The following SLC8A1 variants were observed in gnomAD, a reference collection of about 807,000 sequenced individuals.
SLC8A1 encodes sodium/calcium exchanger 1.
SLC8A1 carries 18 observed loss-of-function variants against 68.3 expected under a neutral mutation model. The ratio of observed to expected loss-of-function variants is 0.26; its 90% confidence interval spans 0.18 to 0.39. The LOEUF (loss-of-function observed/expected upper bound fraction) is 0.39. Ranked by LOEUF, SLC8A1 falls within the 10% of genes least tolerant of loss-of-function variation. The pLI, the probability that SLC8A1 is intolerant of heterozygous loss-of-function variation, is 1.00. For synonymous variants in SLC8A1, 475 were observed against 415.5 expected (o/e 1.14, Z -1.74); for missense variants, 985 against 1,156.7 (o/e 0.85, Z 2.15).
chr2:40,447,983 T>C (rs1395399164), intron 1 of SLC8A1, among the ~76,000 whole-genome samples: 1 of 152,226 alleles, frequency 6.6e-6, no homozygotes, highest in Non-Finnish European at 1.5e-5. Flanking sequence ...TCTACACTCT[T>C]GGCTGGGCAG....
intron 2 of SLC8A1, among the ~76,000 whole-genome samples, chr2:40,196,732 C>T (rs576990647): frequency 1.3e-5 from 2 of 152,156 alleles, no homozygotes; most frequent in Non-Finnish European, 2.9e-5. Flanking sequence ...CTTTCATTAT[C>T]TGTCTCACTC....
At chr2:40,139,962 T>C (rs1298569836) in intron 6 of SLC8A1, among the ~76,000 whole-genome samples, 1 of 152,214 alleles carries the variant, frequency 6.6e-6, no homozygotes, top group Non-Finnish European at 1.5e-5. Context: ...TCACATCTGG[T>C]AAGACTTGTC....
chr2:40,341,106 C>T (rs1286744964), intron 2 of SLC8A1, among the ~76,000 whole-genome samples: 1 of 152,128 alleles, frequency 6.6e-6, no homozygotes, highest in Non-Finnish European at 1.5e-5. Context: ...CAGAAAGTAA[C>T]TCACCCTATT....
chr2:40,343,958 C>T (rs1668467798), intron 2 of SLC8A1, among the ~76,000 whole-genome samples: 1 of 152,120 alleles, frequency 6.6e-6, no homozygotes, highest in South Asian at 2.1e-4. Context: ...AACTACATGC[C>T]AGTACCCGCA....
intron 1 of SLC8A1, among the ~76,000 whole-genome samples, chr2:40,440,549 TAGAC>T (rs951443614): frequency 2.6e-5 from 4 of 152,272 alleles, no homozygotes; most frequent in East Asian, 3.9e-4. Flanking sequence ...AACCATGAGA[TAGAC>T]AGACGTAATC....
At chr2:40,107,279 C>CAAAAAAAGAAAAAAAATAAAA (rs2034264671) in exon 8 of SLC8A1, 1 of 64,962 alleles carries the variant, frequency 1.5e-5, no homozygotes, top group Non-Finnish European at 2.9e-5. Context: ...GACTCCGTCT[C>CAAAAAAAGAAAAAAAATAAAA]AAAAAAAAAA....
At chr2:40,114,529 G>A (rs560254631) in exon 8 of SLC8A1, 1 of 152,804 alleles carries the variant, frequency 6.5e-6, no homozygotes, top group East Asian at 1.9e-4. Flanking sequence ...ACGTTCCTGG[G>A]AATCTAGGCA....
intron 2 of SLC8A1, among the ~76,000 whole-genome samples, chr2:40,344,750 G>C (rs1453613266): frequency 6.6e-6 from 1 of 152,124 alleles, no homozygotes; most frequent in Non-Finnish European, 1.5e-5. Context: ...GCCCTCCTAG[G>C]AAAGTCTCAC....
intron 2 of SLC8A1, chr2:40,254,399 T>G (rs572628372): frequency 4.4e-5 from 4 of 91,442 alleles, no homozygotes; most frequent in African/African-American, 1.2e-4. Context: ...AAATCATGCT[T>G]TTTTGTTTTT....
chr2:40,479,389 C>A (rs1188138866), intron 1 of SLC8A1, among the ~76,000 whole-genome samples: 1 of 152,064 alleles, frequency 6.6e-6, no homozygotes, highest in Non-Finnish European at 1.5e-5. Flanking sequence ...AGCTTGAACC[C>A]ACATTCTTCA....
chr2:40,106,467 C>T (rs1215829549), exon 8 of SLC8A1: 2 of 151,160 alleles, frequency 1.3e-5, no homozygotes, highest in Non-Finnish European at 3.0e-5. Context: ...AAGAAAGGTT[C>T]TCATAAAAAA....
chr2:40,312,488 G>A (rs1287610906), intron 2 of SLC8A1, among the ~76,000 whole-genome samples: 2 of 151,894 alleles, frequency 1.3e-5, no homozygotes, highest in Non-Finnish European at 2.9e-5. Flanking sequence ...ACTCTGAAGG[G>A]CATTTTCTCC....
intron 6 of SLC8A1, among the ~76,000 whole-genome samples, chr2:40,143,833 C>G (rs2148320235): frequency 6.6e-6 from 1 of 152,252 alleles, no homozygotes; most frequent in South Asian, 2.1e-4. Flanking sequence ...GGCTTGAATT[C>G]AGGGAGAGCT....
chr2:40,458,268 C>CT (rs35365280), intron 1 of SLC8A1, among the ~76,000 whole-genome samples: 1 of 152,152 alleles, frequency 6.6e-6, no homozygotes, highest in Non-Finnish European at 1.5e-5. Flanking sequence ...GTTTAAGTGC[C>CT]TTTTTGAGTC....
intron 6 of SLC8A1, among the ~76,000 whole-genome samples, chr2:40,140,886 G>T (rs2041437895): frequency 6.6e-6 from 1 of 152,118 alleles, no homozygotes; most frequent in Non-Finnish European, 1.5e-5. Context: ...AGTGTACAAA[G>T]AAATGCACAA....
At chr2:40,438,340 A>G (rs1232205292) in intron 1 of SLC8A1, among the ~76,000 whole-genome samples, 1 of 152,176 alleles carries the variant, frequency 6.6e-6, no homozygotes, top group Admixed American at 6.5e-5. Context: ...CTACCTAAAA[A>G]TATTTCCCCA....
At chr2:40,384,699 A>C (rs972403832) in intron 2 of SLC8A1, among the ~76,000 whole-genome samples, 1 of 152,130 alleles carries the variant, frequency 6.6e-6, no homozygotes, top group Non-Finnish European at 1.5e-5. Flanking sequence ...TTTTGTTAAA[A>C]AATTTCAAGG....
chr2:40,427,543 C>A (rs1049937000), intron 2 of SLC8A1, among the ~76,000 whole-genome samples: 4 of 151,816 alleles, frequency 2.6e-5, no homozygotes, highest in Non-Finnish European at 5.9e-5. Flanking sequence ...TTCATAGAGT[C>A]AAATTTTCTG....
At chr2:40,185,325 G>A (rs1334649426) in intron 2 of SLC8A1, among the ~76,000 whole-genome samples, 1 of 152,174 alleles carries the variant, frequency 6.6e-6, no homozygotes, top group Non-Finnish European at 1.5e-5. Context: ...TAATAGCCAA[G>A]AAGTGGAAAC....
Sources: allele counts gnomAD v4.1 joint callset (sites outside exome capture counted in the v4.1 genomes callset), GRCh38; gene constraint gnomAD v4.1.1; transcripts MANE v1.5; gene names NCBI Gene and HGNC (gene_info 2026-07-23, HGNC 2026-07-21).